Variants in NCOA6 observed in about 807,000 individuals in gnomAD.
NCOA6 encodes nuclear receptor coactivator 6.
Under a neutral mutation model 171.4 loss-of-function variants are expected in NCOA6, and 49 were observed. That is an observed-to-expected ratio of 0.29 (90% CI 0.23 to 0.36). The LOEUF (loss-of-function observed/expected upper bound fraction) is 0.36, where lower values mean the gene tolerates loss of function less well. Ranked by LOEUF, NCOA6 falls within the 10% of genes least tolerant of loss-of-function variation. The pLI is 1.00. For synonymous variants in NCOA6, 910 were observed against 927.5 expected, an observed-to-expected ratio of 0.98 and a Z score of 0.34; for missense variants, 2,248 against 2,554.5, an observed-to-expected ratio of 0.88 and a Z score of 2.59.
chr20:34,814,173 C>T (rs749403882), intron 1 of NCOA6, among the ~76,000 whole-genome samples: 7 of 151,692 alleles, frequency 4.6e-5, no homozygotes, highest in Non-Finnish European at 8.8e-5. Flanking sequence ...ATACAAAATC[C>T]CGTGAAAATA....
chr20:34,795,707 T>C (rs1601068461), intron 1 of NCOA6, among the ~76,000 whole-genome samples: 3 of 152,270 alleles, frequency 2.0e-5, no homozygotes, highest in Non-Finnish European at 4.4e-5. Context: ...AAGAAAACAG[T>C]TTGAAATAAT....
Position 34,757,485 on chromosome 20 carries a change from G to T in NCOA6, c.1263C>A (p.Pro421=). The T allele has an allele frequency of 6.2e-7, 1 of 1,613,912 alleles. No individual in the cohort carries two copies. Among genetic ancestry groups the T allele is most frequent in the Middle Eastern group, 1.6e-4 (1 of 6,062 alleles). ...AGGCAGGAGACTTGTTGGTGAGGTGGGGCTGCTGCAAGGGAGTTGGGACCC... is the reference window on the plus strand; with the variant it reads ...AGGCAGGAGACTTGTTGGTGAGGTGTGGCTGCTGCAAGGGAGTTGGGACCC... The part of the protein sequence containing the change: ...PSRVPTPLQQ[P]HLTNKSPASS... Residue 421 remains proline, a synonymous_variant, in exon 7 of 15, where the codon CCC becomes CCA. Coordinates refer to ENST00000359003, the MANE Select transcript of NCOA6 (RefSeq NM_014071.5).
chr20:34,763,498 C>T (rs1269835320), intron 5 of NCOA6, among the ~76,000 whole-genome samples: 2 of 152,100 alleles, frequency 1.3e-5, no homozygotes, highest in Non-Finnish European at 2.9e-5. Flanking sequence ...ATTCCTATTA[C>T]CTAAAATTTT....
chr20:34,777,547 G>A (rs1001492847), intron 3 of NCOA6, among the ~76,000 whole-genome samples: 3 of 151,998 alleles, frequency 2.0e-5, no homozygotes, highest in African/African-American at 4.8e-5. Context: ...CCCAGGAGGC[G>A]GAGGTTGCTG....
intron 1 of NCOA6, among the ~76,000 whole-genome samples, chr20:34,810,966 T>C (rs563557903): frequency 8.6e-5 from 13 of 151,936 alleles, no homozygotes; most frequent in African/African-American, 2.9e-4. Context: ...TTATTTTTGA[T>C]ATGAAAATAT....
chr20:34,720,817 T>C (rs1371869902), intron 14 of NCOA6, among the ~76,000 whole-genome samples: 1 of 152,222 alleles, frequency 6.6e-6, no homozygotes, highest in African/African-American at 2.4e-5. Flanking sequence ...GATCACATTC[T>C]GGGTATGGGT....
chr20:34,720,367 T>C lies in NCOA6; in HGVS notation c.6149-5002A>G, dbSNP rs370676319. Among the ~76,000 whole-genome samples, 11 of 152,338 alleles carry C rather than the reference T, an allele frequency of 7.2e-5. No individual in the cohort carries two copies. In the East Asian group the frequency reaches 1.5e-3, roughly 21 times the overall value. On this transcript the variant is annotated intron_variant, in intron 14 of 14. Transcript: ENST00000359003. ...TAAGTGACCCAACCAACAAAAACAA[T>C]GGACCAAAGAATGACCAAAAACCAT...
intron 1 of NCOA6, among the ~76,000 whole-genome samples, chr20:34,793,158 A>G (rs963581581): frequency 1.3e-5 from 2 of 152,180 alleles, no homozygotes; most frequent in African/African-American, 4.8e-5. Flanking sequence ...TTATACAAGC[A>G]TCACTTAAGA....
intron 13 of NCOA6, 108 bp downstream of exon 13, chr20:34,732,451 T>A: frequency 1.9e-6 from 2 of 1,042,828 alleles, no homozygotes; most frequent in Non-Finnish European, 2.8e-6. Context: ...GGTGCAAGAG[T>A]GAAGGAAAAG....
intron 1 of NCOA6, among the ~76,000 whole-genome samples, chr20:34,808,436 CTTT>C (rs957085400): frequency 5.6e-5 from 7 of 125,486 alleles, no homozygotes; most frequent in Non-Finnish European, 8.5e-5. Flanking sequence ...CTTGTCTGTG[CTTT>C]TTTTTTTTTT....
At chr20:34,761,864 C>T (rs746080255) in intron 5 of NCOA6, among the ~76,000 whole-genome samples, 3 of 152,072 alleles carry the variant, frequency 2.0e-5, no homozygotes, top group Non-Finnish European at 4.4e-5. Context: ...CTATGTTGGC[C>T]AGGCTGGTCT....
At chr20:34,792,777 T>TTC (rs1491243071) in intron 1 of NCOA6, among the ~76,000 whole-genome samples, 1 of 6,962 alleles carries the variant, frequency 1.4e-4, no homozygotes, top group East Asian at 3.4e-3. Flanking sequence ...TCTTTTCTGA[T>TTC]TTTTTTTTTT....
chr20:34,759,318 G>A (rs1239481867), intron 5 of NCOA6, among the ~76,000 whole-genome samples: 1 of 152,142 alleles, frequency 6.6e-6, no homozygotes, highest in Non-Finnish European at 1.5e-5. Context: ...GGGACTACAG[G>A]CGTGAGCTAC....
chr20:34,732,796 T>C, intron 12 of NCOA6: 1 of 481,070 alleles, frequency 2.1e-6, no homozygotes, highest in South Asian at 3.2e-5. Context: ...GGTCTATTTT[T>C]ATTTCTACTC....
At chr20:34,811,786 T>G (rs1055419049) in intron 1 of NCOA6, among the ~76,000 whole-genome samples, 1 of 152,214 alleles carries the variant, frequency 6.6e-6, no homozygotes, top group African/African-American at 2.4e-5. Context: ...AAAAATTAAG[T>G]TGGCCTTGTA....
rs575560116 is a variant in NCOA6 at position 34,782,154 on chromosome 20, T to C, written c.202A>G (p.Ile68Val). 3.7e-6 allele frequency: 6 copies of C among 1,606,056 alleles called. No homozygotes were observed. The highest frequency in any genetic ancestry group is 1.3e-5 in the African/African-American group (1 of 74,698). Residue 68 changes from isoleucine to valine, a missense_variant, in exon 3 of 15, where the codon ATA (isoleucine) becomes GTA (valine). This residue lies in a region of NCOA6 where 987 missense variants were observed against 1,104.7 expected (regional missense o/e 0.89). Coordinates refer to ENST00000359003, the MANE Select transcript of NCOA6 (RefSeq NM_014071.5). ...AACAAATTGGGCACGTTTTTCAATA[T>C]TGCATCTAATTTCCATTTGAAGTCT... ...DKDFKWKLDA[I>V]LKNVPNLLHM...
At chr20:34,721,977 C>T (rs1389133996) in intron 14 of NCOA6, among the ~76,000 whole-genome samples, 1 of 144,224 alleles carries the variant, frequency 6.9e-6, no homozygotes, top group African/African-American at 2.6e-5. Flanking sequence ...CTTGCTTGAG[C>T]CCAAGAGTTT....
intron 7 of NCOA6, 144 bp downstream of exon 7, chr20:34,757,076 G>A: frequency 1.2e-6 from 1 of 825,624 alleles, no homozygotes; most frequent in Non-Finnish European, 1.8e-6. Context: ...TTAACTTTAA[G>A]TTATATCAAG....
intron 4 of NCOA6, 47 bp from the exon 5 acceptor site, chr20:34,768,633 C>CA: frequency 6.2e-7 from 1 of 1,605,338 alleles, no homozygotes; most frequent in Non-Finnish European, 8.5e-7. Context: ...GAATAAAATG[C>CA]AAATTTTGTT....
Sources: gnomAD v4.1 joint callset for allele counts (sites outside exome capture counted in the v4.1 genomes callset) on GRCh38, gnomAD v4.1.1 for gene constraint, gnomAD v4.1.1 regional missense constraint, MANE v1.5 for transcripts, NCBI Gene and HGNC (gene_info 2026-07-23, HGNC 2026-07-21) for gene names.